POU6F2: variants seen among roughly 807,000 people sequenced by gnomAD.
POU6F2 encodes the protein POU class 6 homeobox 2, also known as POU domain, class 6, transcription factor 2.
A neutral mutation model predicts 71.3 loss-of-function variants in POU6F2; 31 were observed. The observed-to-expected ratio is 0.43, with a 90% CI of 0.33 to 0.59. The LOEUF (loss-of-function observed/expected upper bound fraction) is 0.59, where lower values mean the gene tolerates loss of function less well. POU6F2 is among the 20% of genes least tolerant of loss of function. The probability of loss-of-function intolerance (pLI) is 0.04; values close to 1 mark genes in which losing one functional copy is unlikely to be tolerated. For synonymous variants in POU6F2, 347 were observed against 355.7 expected (o/e 0.98, Z 0.27); for missense variants, 783 against 856.8 (o/e 0.91, Z 1.07).
intron 4 of POU6F2, among the ~76,000 whole-genome samples, chr7:39,334,212 T>G (rs1258960017): frequency 6.6e-6 from 1 of 152,210 alleles, no homozygotes; most frequent in Non-Finnish European, 1.5e-5. Flanking sequence ...ACTGACCATA[T>G]GCAAGATGGT....
intron 5 of POU6F2, among the ~76,000 whole-genome samples, chr7:39,357,168 C>T (rs1057000786): frequency 6.6e-6 from 1 of 152,110 alleles, no homozygotes; most frequent in Non-Finnish European, 1.5e-5. Context: ...TTGAGTGCAC[C>T]TCACACCCCA....
At position 39,228,311 on chromosome 7, in the gene POU6F2, T is replaced by C. The variant is rs567317398; in HGVS notation, c.598+20691T>C. Among the ~76,000 whole-genome samples, 8 of 152,290 alleles carry C rather than the reference T, an allele frequency of 5.3e-5. No homozygotes were observed. In the South Asian group the frequency reaches 1.7e-3, roughly 32 times the overall value. Reference sequence around the variant, plus strand: ...CTTTTTCCTGAGAGCTGGCTAGAAATGTCTGTTTTTGTAGGCAGAGGATGG... The same window carrying C: ...CTTTTTCCTGAGAGCTGGCTAGAAACGTCTGTTTTTGTAGGCAGAGGATGG... On this transcript the variant is annotated intron_variant, in intron 4 of 9. Coordinates refer to ENST00000518318, the MANE Select transcript of POU6F2 (RefSeq NM_001370959.1).
intron 1 of POU6F2, among the ~76,000 whole-genome samples, chr7:39,062,699 A>C (rs1790681513): frequency 6.7e-6 from 1 of 149,186 alleles, no homozygotes. Flanking sequence ...TATAATCATT[A>C]GTGTGACAGT....
chr7:38,982,994 T>C (rs1357835760), intron 1 of POU6F2, among the ~76,000 whole-genome samples: 3 of 152,124 alleles, frequency 2.0e-5, no homozygotes, highest in Non-Finnish European at 4.4e-5. Context: ...TTTCAAGTAT[T>C]TTTCTCTTTA....
At chr7:39,039,056 A>G (rs1043027727) in intron 1 of POU6F2, among the ~76,000 whole-genome samples, 6 of 152,068 alleles carry the variant, frequency 3.9e-5, no homozygotes, top group African/African-American at 7.2e-5. Context: ...TTGAATTCAC[A>G]TAAGTTTTGT....
intron 2 of POU6F2, among the ~76,000 whole-genome samples, chr7:39,147,681 A>C (rs989684408): frequency 2.6e-5 from 4 of 152,076 alleles, no homozygotes; most frequent in Admixed American, 6.5e-5. Context: ...CAACTTAGAG[A>C]AGTGGGAAGA....
Position 39,269,330 on chromosome 7 carries a change from C to T in POU6F2, c.598+61710C>T, listed in dbSNP as rs554620387. Among the ~76,000 whole-genome samples the T allele has an allele frequency of 4.6e-5, 7 of 152,262 alleles. No homozygotes were observed. In the East Asian group the frequency reaches 9.7e-4, roughly 21 times the overall value. On this transcript the variant is annotated intron_variant, in intron 4 of 9. Coordinates refer to ENST00000518318, the MANE Select transcript of POU6F2 (RefSeq NM_001370959.1). Reference sequence around the variant, plus strand: ...TGGCACATGGGTTGTCTCATTTCAGCGTGATGTTGACTCTTCCTGGACAGT... The same window carrying T: ...TGGCACATGGGTTGTCTCATTTCAGTGTGATGTTGACTCTTCCTGGACAGT...
At chr7:39,462,352 G>A (rs996632209) in intron 9 of POU6F2, among the ~76,000 whole-genome samples, 26 of 152,280 alleles carry the variant, frequency 1.7e-4, no homozygotes, top group African/African-American at 6.3e-4. Context: ...AAGAAAGACC[G>A]AGATCTTATA....
intron 2 of POU6F2, among the ~76,000 whole-genome samples, chr7:39,137,366 C>T (rs866677892): frequency 2.6e-5 from 4 of 152,086 alleles, no homozygotes; most frequent in African/African-American, 9.7e-5. Context: ...AAATAAATTA[C>T]AGCACCTCCA....
intron 2 of POU6F2, among the ~76,000 whole-genome samples, chr7:39,176,359 T>C (rs1030907665): frequency 3.3e-5 from 5 of 152,218 alleles, no homozygotes; most frequent in Non-Finnish European, 5.9e-5. Context: ...CTGTAAGGAA[T>C]GTTAATTTTA....
At chr7:39,267,629 ATATTT>A (rs1784271723) in intron 4 of POU6F2, among the ~76,000 whole-genome samples, 1 of 147,984 alleles carries the variant, frequency 6.8e-6, no homozygotes, top group Admixed American at 7.1e-5. Flanking sequence ...ACATTTAAAA[ATATTT>A]TATTTATTTT....
intron 4 of POU6F2, among the ~76,000 whole-genome samples, chr7:39,252,399 GACACACACACACACAC>G (rs55738894): frequency 7.6e-5 from 11 of 144,268 alleles, no homozygotes; most frequent in Admixed American, 4.9e-4. Context: ...CAGACAGACA[GACACACACACACACAC>G]ACACACACAC....
intron 4 of POU6F2, among the ~76,000 whole-genome samples, chr7:39,292,386 A>G (rs1411630732): frequency 6.6e-6 from 1 of 152,196 alleles, no homozygotes; most frequent in African/African-American, 2.4e-5. Flanking sequence ...AAGAAAGGGC[A>G]GGGAGTCCTG....
chr7:38,994,865 C>A (rs527936432), intron 1 of POU6F2, among the ~76,000 whole-genome samples: 7 of 152,068 alleles, frequency 4.6e-5, no homozygotes, highest in Non-Finnish European at 8.8e-5. Flanking sequence ...TCTGCTCACC[C>A]ACCCACTAAT....
rs1459778091 is a variant in POU6F2, at chr7:39,465,397, C to T, written c.*711C>T. ...TGTTGAAGCCATTCTGTGAGGCTCA[C>T]TATTGGGTTTTTTTGTGGGGGTGGT... On this transcript the variant is annotated 3_prime_UTR_variant, in exon 10 of 10. Transcript: ENST00000518318. 6.6e-6 allele frequency: 1 copy of T among 152,186 alleles called. No individual in the cohort carries two copies. The highest frequency in any genetic ancestry group is 1.5e-5 in the Non-Finnish European group (1 of 68,044). 9.4% of individuals were successfully genotyped at this position (152,186 alleles called of 1,614,324 possible).
intron 5 of POU6F2, chr7:39,406,323 G>A: frequency 2.3e-6 from 1 of 441,656 alleles, no homozygotes; most frequent in East Asian, 4.1e-5. Flanking sequence ...GGTCCTAACA[G>A]CCCACCTCAC....
At position 39,464,319 on chromosome 7, in the gene POU6F2, G is replaced by C. The variant is rs958453474; in HGVS notation, c.1796G>C (p.Ser599Thr). 6.2e-7 allele frequency: 1 copy of C among 1,614,028 alleles called. No homozygotes were observed. Among genetic ancestry groups the C allele is most frequent in the Non-Finnish European group, 8.5e-7 (1 of 1,179,900 alleles). Reference sequence around the variant, plus strand: ...GAAAAGCTGGACATCACCCCTAAAAGTGCCCAGAAGATCAAGCCGGTGCTT... The same window carrying C: ...GAAAAGCTGGACATCACCCCTAAAACTGCCCAGAAGATCAAGCCGGTGCTT... ...RFEKLDITPK[S>T]AQKIKPVLER... The change falls in exon 10 of 10, where the codon AGT becomes ACT. Residue 599 changes from serine to threonine, a missense_variant. Ser to Thr is a moderately conservative substitution (Grantham distance 58, BLOSUM62 1). Around this residue, in one of 2 missense-constraint regions of POU6F2, gnomAD observed 211 missense variants for 283.9 expected, o/e 0.74. Transcript: ENST00000518318. The surrounding 1 kb of genome is among the most constrained non-coding windows in gnomAD (Gnocchi z 4.1).
intron 4 of POU6F2, among the ~76,000 whole-genome samples, chr7:39,264,545 A>G (rs1277214023): frequency 6.6e-6 from 1 of 152,074 alleles, no homozygotes; most frequent in East Asian, 1.9e-4. Context: ...ATTCTGCCAA[A>G]CCTGGCCACT....
chr7:38,996,775 T>G (rs2128698088), intron 1 of POU6F2, among the ~76,000 whole-genome samples: 1 of 152,288 alleles, frequency 6.6e-6, no homozygotes, highest in South Asian at 2.1e-4. Flanking sequence ...CAAGCAGGCT[T>G]ACTCTATGTT....
Sources: gnomAD v4.1 joint callset for allele counts (sites outside exome capture counted in the v4.1 genomes callset) on GRCh38, gnomAD v4.1.1 for gene constraint, gnomAD v4.1.1 regional missense constraint, Gnocchi (gnomAD v3.1) non-coding constraint, MANE v1.5 for transcripts, NCBI Gene and HGNC (gene_info 2026-07-23, HGNC 2026-07-21) for gene names.